Variants in VWA5B1 observed in about 807,000 individuals in gnomAD.
VWA5B1 encodes von Willebrand factor A domain containing 5B1, also known as von Willebrand factor A domain-containing protein 5B1.
A neutral mutation model predicts 118.2 loss-of-function variants in VWA5B1; 115 were observed. The observed-to-expected ratio is 0.97, with a 90% CI of 0.84 to 1.14. VWA5B1 has a LOEUF of 1.14. Among genes scored for constraint, VWA5B1 ranks in the 50% most tolerant of loss-of-function variants. The pLI, the probability that VWA5B1 is intolerant of heterozygous loss-of-function variation, is 0.00. For missense variants in VWA5B1, 1,596 were observed against 1,603.8 expected, an observed-to-expected ratio of 1.00 and a Z score of 0.08; for synonymous variants, 682 against 658.4, an observed-to-expected ratio of 1.04 and a Z score of -0.55.
chr1:20,355,799 C>T lies in VWA5B1; in HGVS notation c.*1536C>T, dbSNP rs1471019587. ...CCCCAACATGATATGGTGCCCTGCCCCCCACCCCCACCCCTCCATCTATGC... is the reference window on the plus strand; with the variant it reads ...CCCCAACATGATATGGTGCCCTGCCTCCCACCCCCACCCCTCCATCTATGC... On this transcript the variant is annotated 3_prime_UTR_variant, in exon 22 of 22. Coordinates refer to ENST00000289815, the MANE Select transcript of VWA5B1 (RefSeq NM_001039500.3). Among the ~76,000 whole-genome samples the T allele has an allele frequency of 7.4e-5, 11 of 149,280 alleles. No individual in the cohort carries two copies. Among genetic ancestry groups the T allele is most frequent in the Non-Finnish European group, 1.2e-4 (8 of 67,198 alleles).
intron 1 of VWA5B1, among the ~76,000 whole-genome samples, chr1:20,305,752 G>A (rs1320656951): frequency 2.6e-5 from 4 of 151,806 alleles, no homozygotes; most frequent in African/African-American, 4.8e-5. Context: ...AAGACGGGTG[G>A]CACTTATGGT....
At chr1:20,339,768 G>A (rs1238653816) in intron 14 of VWA5B1, among the ~76,000 whole-genome samples, 3 of 151,886 alleles carry the variant, frequency 2.0e-5, no homozygotes, top group Non-Finnish European at 4.4e-5. Context: ...GCTTATTGAG[G>A]GACCACTTGA....
At position 20,352,158 on chromosome 1, in the gene VWA5B1, G is replaced by A. The variant is rs1455688005; in HGVS notation, c.3127G>A (p.Asp1043Asn). Reference sequence around the variant, plus strand: ...GTCGACCTCCGGGAACCAGAGCTTCGACTACATACCTCTGGTGAGTGCCCT... The same window carrying A: ...GTCGACCTCCGGGAACCAGAGCTTCAACTACATACCTCTGGTGAGTGCCCT... The part of the protein sequence containing the change: ...VESTSGNQSF[D>N]YIPLVSLQLA... The change falls in exon 21 of 22, where the codon GAC becomes AAC. Residue 1043 changes from aspartate to asparagine, a missense_variant. Transcript: ENST00000289815. 2.5e-5 allele frequency: 39 copies of A among 1,551,018 alleles called. No individual in the cohort carries two copies. Among genetic ancestry groups the A allele is most frequent in the Middle Eastern group, 1.7e-4 (1 of 5,992 alleles).
chr1:20,332,171 T>G (rs1449438208), intron 11 of VWA5B1, among the ~76,000 whole-genome samples: 3 of 152,128 alleles, frequency 2.0e-5, no homozygotes, highest in Non-Finnish European at 1.5e-5. Context: ...AGCCTCAGAT[T>G]TTCTCATTTA....
At chr1:20,292,753 C>T (rs1429602555) in intron 1 of VWA5B1, among the ~76,000 whole-genome samples, 4 of 152,204 alleles carry the variant, frequency 2.6e-5, no homozygotes, top group African/African-American at 9.7e-5. Flanking sequence ...GCCCTCATCA[C>T]CCAGCCTTGG....
intron 8 of VWA5B1, 32 bp downstream of exon 8, chr1:20,323,564 CGG>C: frequency 7.4e-7 from 1 of 1,357,432 alleles, no homozygotes; most frequent in South Asian, 1.8e-5. Context: ...CCCGAGGACC[CGG>C]GGCTCCAGGG....
chr1:20,310,534 G>C, intron 1 of VWA5B1, 42 bp from the exon 2 acceptor site: 2 of 1,447,192 alleles, frequency 1.4e-6, no homozygotes, highest in Non-Finnish European at 1.8e-6. Flanking sequence ...AGGGGACCTG[G>C]GGGAGCCTCT....
Position 20,330,883 on chromosome 1 carries a change from G to C in VWA5B1, c.1472G>C (p.Gly491Ala). The C allele has an allele frequency of 6.4e-7, 1 of 1,551,764 alleles. No homozygotes were observed. Among genetic ancestry groups the C allele is most frequent in the South Asian group, 1.2e-5 (1 of 84,064 alleles). ...CTTTCCGCCAGGTGCTATAGCTTTG[G>C]AATTGGACCCAACGTCTGCCACAGA... Reference protein sequence around the residue: ...HAFSTRCYSFGIGPNVCHRLV... With the variant: ...HAFSTRCYSFAIGPNVCHRLV... Residue 491 changes from glycine (G) to alanine (A), a missense_variant, in exon 11 of 22, where the codon GGA (glycine) becomes GCA (alanine). Physicochemically the swap from Gly to Ala is moderately conservative, Grantham distance 60. Coordinates refer to ENST00000289815, the MANE Select transcript of VWA5B1 (RefSeq NM_001039500.3).
intron 9 of VWA5B1, among the ~76,000 whole-genome samples, chr1:20,328,818 A>G (rs185973727): frequency 6.6e-6 from 1 of 152,162 alleles, no homozygotes; most frequent in Non-Finnish European, 1.5e-5. Context: ...ATCAAAAACA[A>G]ATTTTTTTTA....
chr1:20,355,525 C>T lies in VWA5B1; in HGVS notation c.*1262C>T, dbSNP rs944690367. 1.3e-5 allele frequency among the ~76,000 whole-genome samples: 2 copies of T among 152,358 alleles called. No homozygotes were observed. Among genetic ancestry groups the T allele is most frequent in the Middle Eastern group, 3.4e-3 (1 of 294 alleles). On this transcript the variant is annotated 3_prime_UTR_variant, in exon 22 of 22. Coordinates refer to ENST00000289815, the MANE Select transcript of VWA5B1 (RefSeq NM_001039500.3). ...GGCTGAATCTATCCACCCTCGAAGC[C>T]CCCTCCTTCAAGGCCTTAATCTCTC...
At chr1:20,324,486 A>T (rs760982521) in intron 8 of VWA5B1, among the ~76,000 whole-genome samples, 3 of 152,196 alleles carry the variant, frequency 2.0e-5, no homozygotes, top group Non-Finnish European at 4.4e-5. Context: ...ATTTAGGAAA[A>T]GGGTCGTCTA....
intron 6 of VWA5B1, 72 bp downstream of exon 6, chr1:20,318,793 C>T: frequency 2.8e-6 from 4 of 1,417,118 alleles, no homozygotes; most frequent in South Asian, 1.6e-5. Context: ...GGGGACAGAA[C>T]ATGTGGCCCC....
chr1:20,334,171 A>G (rs1003909298), intron 12 of VWA5B1, among the ~76,000 whole-genome samples: 1 of 152,370 alleles, frequency 6.6e-6, no homozygotes, highest in East Asian at 1.9e-4. Context: ...TGAAAGCTCC[A>G]GATTTTTTAA....
intron 7 of VWA5B1, among the ~76,000 whole-genome samples, chr1:20,320,906 C>T (rs1002779545): frequency 6.6e-6 from 1 of 152,066 alleles, no homozygotes; most frequent in African/African-American, 2.4e-5. Flanking sequence ...TGGGCTGTGG[C>T]CTCTGGTGGA....
intron 17 of VWA5B1, among the ~76,000 whole-genome samples, 192 bp downstream of exon 17, chr1:20,345,785 C>T (rs1293463635): frequency 6.6e-6 from 1 of 152,242 alleles, no homozygotes; most frequent in Non-Finnish European, 1.5e-5. Flanking sequence ...TCCCACTGCT[C>T]TGCAGAGGCC....
intron 1 of VWA5B1, among the ~76,000 whole-genome samples, chr1:20,301,563 C>T (rs530067089): frequency 2.0e-5 from 3 of 152,322 alleles, no homozygotes; most frequent in African/African-American, 4.8e-5. Flanking sequence ...TACTCTTCAA[C>T]TCCCTAGAAG....
chr1:20,335,471 C>G (rs1023487595), intron 12 of VWA5B1, among the ~76,000 whole-genome samples: 37 of 152,264 alleles, frequency 2.4e-4, no homozygotes, highest in Non-Finnish European at 4.7e-4. Flanking sequence ...ATAGAGGTGA[C>G]CCTTGAACAA....
At position 20,343,134 on chromosome 1, in the gene VWA5B1, C is replaced by G; in HGVS notation, c.2367C>G (p.Pro789=). The G allele has an allele frequency of 6.5e-7, 1 of 1,546,032 alleles. No homozygotes were observed. Among genetic ancestry groups the G allele is most frequent in the Non-Finnish European group, 8.7e-7 (1 of 1,143,908 alleles). Residue 789 remains proline, a synonymous_variant, in exon 16 of 22, where the codon CCC becomes CCG. Transcript: ENST00000289815. ...CAGAGACGTCCTCGGACTGGGACCC[C>G]CCAGCCGAGTCCCAGGAGCGAGCCA... ...FETETSSDWD[P]PAESQERASP... is the part of the protein sequence containing the mutation.
chr1:20,331,452 G>C (rs2089552760), intron 11 of VWA5B1, among the ~76,000 whole-genome samples: 1 of 152,184 alleles, frequency 6.6e-6, no homozygotes, highest in African/African-American at 2.4e-5. Context: ...GACAGGGCTG[G>C]GATTAAGAGT....
Sources: gnomAD v4.1 joint callset for allele counts (sites outside exome capture counted in the v4.1 genomes callset) on GRCh38, gnomAD v4.1.1 for gene constraint, MANE v1.5 for transcripts, NCBI Gene and HGNC (gene_info 2026-07-23, HGNC 2026-07-21) for gene names.